Variants in N4BP2 observed in about 807,000 individuals in gnomAD.
N4BP2 encodes NEDD4 binding protein 2.
A neutral mutation model predicts 152.8 loss-of-function variants in N4BP2; 91 were observed. That is an observed-to-expected ratio of 0.60 (90% CI 0.50 to 0.71). The LOEUF is 0.71. Ranked by LOEUF, N4BP2 falls within the 30% of genes least tolerant of loss-of-function variation. The pLI is 0.00. For synonymous variants in N4BP2, 646 were observed against 705.3 expected (o/e 0.92, Z 1.33); for missense variants, 1,923 against 2,059.1 (o/e 0.93, Z 1.28).
intron 2 of N4BP2, among the ~76,000 whole-genome samples, chr4:40,078,774 C>A (rs1019024906): frequency 1.4e-4 from 21 of 151,154 alleles, no homozygotes; most frequent in African/African-American, 4.9e-4. Context: ...GCAGTTCGCC[C>A]ACTGTGGCCT....
intron 16 of N4BP2, among the ~76,000 whole-genome samples, chr4:40,146,924 T>G (rs1004801342): frequency 2.6e-5 from 4 of 151,536 alleles, no homozygotes; most frequent in African/African-American, 9.7e-5. Context: ...ATTTTTTTAT[T>G]TTTTTTATTG....
chr4:40,184,275 G>C, the N4BP2 span, among the ~76,000 whole-genome samples: 5 of 151,918 alleles, frequency 3.3e-5, no homozygotes, highest in Non-Finnish European at 7.4e-5. Flanking sequence ...ATGGCTGCAC[G>C]GGCTAGAATG....
intron 11 of N4BP2, 49 bp downstream of exon 11, chr4:40,124,254 T>A (rs1345993320): frequency 6.9e-7 from 1 of 1,439,070 alleles, no homozygotes; most frequent in East Asian, 2.3e-5. Flanking sequence ...AAATTTGGTG[T>A]GTGTGTTTGA....
intron 10 of N4BP2, 64 bp from the exon 11 acceptor site, chr4:40,124,096 C>G (rs542172889): frequency 1.1e-4 from 134 of 1,218,832 alleles, no homozygotes; most frequent in Non-Finnish European, 1.4e-4. Flanking sequence ...ATAATATAAC[C>G]TTGTATCCTT....
At chr4:40,167,962 A>G in the N4BP2 span, 1 of 152,288 alleles carries the variant, frequency 6.6e-6, no homozygotes, top group African/African-American at 2.4e-5. Flanking sequence ...GGGTGGAGGG[A>G]AAGCATCAAG....
the N4BP2 span, among the ~76,000 whole-genome samples, chr4:40,181,838 A>G: frequency 6.6e-6 from 1 of 152,228 alleles, no homozygotes; most frequent in African/African-American, 2.4e-5. Context: ...AGTCCCAACT[A>G]CTATGGAGGC....
chr4:40,150,503 C>G (rs766731618), intron 16 of N4BP2, among the ~76,000 whole-genome samples: 15 of 152,056 alleles, frequency 9.9e-5, no homozygotes, highest in Non-Finnish European at 1.9e-4. Context: ...CACGTCTCCA[C>G]TAATAATATA....
chr4:40,124,042 G>C lies in N4BP2; in HGVS notation c.4285-118G>C, dbSNP rs1718172863. ...TTATTGTTTTACTTAGATTGAGTAA[G>C]AATGGTTTACAGTTATACAAGGAGA... On this transcript the variant is annotated intron_variant, in intron 10 of 17. Coordinates refer to ENST00000261435, the MANE Select transcript of N4BP2 (RefSeq NM_018177.6). 3 of 640,354 alleles carry C rather than the reference G, an allele frequency of 4.7e-6. No individual in the cohort carries two copies. In the South Asian group the frequency reaches 7.0e-5, roughly 15 times the overall value. The allele number at this position is 640,354 out of a possible 1,614,324, so 39.7% of individuals were successfully genotyped here.
intron 1 of N4BP2, chr4:40,057,295 C>T (rs1307676567): frequency 1.3e-5 from 2 of 152,504 alleles, no homozygotes; most frequent in African/African-American, 4.8e-5. Flanking sequence ...AGGCGGGGGC[C>T]GCGGCCGCTT....
intron 2 of N4BP2, among the ~76,000 whole-genome samples, chr4:40,086,995 C>T (rs1714034137): frequency 6.6e-6 from 1 of 152,060 alleles, no homozygotes; most frequent in African/African-American, 2.4e-5. Context: ...GTGATCCTCC[C>T]ACCTCAGCCT....
intron 2 of N4BP2, among the ~76,000 whole-genome samples, chr4:40,092,856 C>T (rs2109943442): frequency 6.6e-6 from 1 of 151,962 alleles, no homozygotes; most frequent in South Asian, 2.1e-4. Context: ...ATTGGGCAGA[C>T]TGGTCTCGAA....
chr4:40,156,713 T>C lies in N4BP2; in HGVS notation c.*2476T>C, dbSNP rs1008299567. On this transcript the variant is annotated 3_prime_UTR_variant, in exon 18 of 18. Transcript: ENST00000261435. Reference sequence around the variant, plus strand: ...TTATAAAAATTTTCATGTATTGGTGTAGGTTGAGTATCCCTAATGAGAAAA... The same window carrying C: ...TTATAAAAATTTTCATGTATTGGTGCAGGTTGAGTATCCCTAATGAGAAAA... 1.4e-5 allele frequency: 2 copies of C among 145,782 alleles called. No homozygotes were observed. Among genetic ancestry groups the C allele is most frequent in the Non-Finnish European group, 3.1e-5 (2 of 64,322 alleles). The allele number at this position is 145,782 out of a possible 1,614,324, so 9.0% of individuals were successfully genotyped here.
At chr4:40,063,697 G>T (rs1299156754) in intron 1 of N4BP2, among the ~76,000 whole-genome samples, 1 of 152,030 alleles carries the variant, frequency 6.6e-6, no homozygotes, top group Non-Finnish European at 1.5e-5. Flanking sequence ...AGGCTGGAGT[G>T]CAATGGTGTG....
intron 13 of N4BP2, among the ~76,000 whole-genome samples, chr4:40,134,894 TTCC>T (rs200173902): frequency 5.8e-5 from 5 of 86,050 alleles, no homozygotes; most frequent in Admixed American, 2.8e-4. Context: ...CCTCCCTTCC[TTCC>T]TTCCTTTCTC....
intron 2 of N4BP2, among the ~76,000 whole-genome samples, chr4:40,075,573 T>C (rs1236877207): frequency 6.6e-6 from 1 of 152,176 alleles, no homozygotes; most frequent in East Asian, 1.9e-4. Flanking sequence ...AATTTTTGTA[T>C]TTTTAGTAGA....
the N4BP2 span, among the ~76,000 whole-genome samples, chr4:40,171,099 G>C: frequency 6.6e-6 from 1 of 152,166 alleles, no homozygotes; most frequent in Admixed American, 6.5e-5. Flanking sequence ...ATTGGAGTTT[G>C]GTCAAGGCAT....
At chr4:40,118,071 T>G in intron 8 of N4BP2, 47 bp downstream of exon 8, 6 of 1,421,590 alleles carry the variant, frequency 4.2e-6, no homozygotes, top group Non-Finnish European at 5.6e-6. Context: ...AAATATAATT[T>G]TTAAAAGGTA....
At chr4:40,106,083 CAT>C (rs774474618) in intron 4 of N4BP2, among the ~76,000 whole-genome samples, 1 of 152,196 alleles carries the variant, frequency 6.6e-6, no homozygotes, top group South Asian at 2.1e-4. Flanking sequence ...CAGAAAGGGA[CAT>C]ATATTTTCAG....
At chr4:40,145,879 G>A (rs1405257745) in intron 16 of N4BP2, among the ~76,000 whole-genome samples, 3 of 152,068 alleles carry the variant, frequency 2.0e-5, no homozygotes, top group African/African-American at 7.2e-5. Flanking sequence ...AATACAAGTT[G>A]TGGCCGGGTG....
Sources: gnomAD v4.1 joint callset for allele counts (sites outside exome capture counted in the v4.1 genomes callset) on GRCh38, gnomAD v4.1.1 for gene constraint, MANE v1.5 for transcripts, NCBI Gene and HGNC (gene_info 2026-07-23, HGNC 2026-07-21) for gene names.